The following RNF135 variants were observed in gnomAD, a reference collection of about 807,000 sequenced individuals.
The protein encoded by RNF135 is E3 ubiquitin-protein ligase RNF135.
Under a neutral mutation model 41.9 loss-of-function variants are expected in RNF135, and 46 were observed. The ratio of observed to expected loss-of-function variants is 1.10; its 90% CI spans 0.87 to 1.40. The LOEUF is 1.40. Ranked by LOEUF, RNF135 falls within the 40% of genes most tolerant of loss-of-function variation. The pLI, the probability that RNF135 is intolerant of heterozygous loss-of-function variation, is 0.00. For missense variants in RNF135, 539 were observed against 549.8 expected (o/e 0.98, Z 0.20); for synonymous variants, 238 against 223.8 (o/e 1.06, Z -0.57).
chr17:30,972,477 A>G (rs970889330), intron 1 of RNF135: 7 of 152,170 alleles, frequency 4.6e-5, no homozygotes, highest in Admixed American at 6.6e-5. Context: ...TTGTGCAACT[A>G]TCACTTCTGT....
upstream of RNF135, chr17:30,970,770 G>A (rs1014927409): frequency 2.1e-6 from 1 of 487,548 alleles, no homozygotes; most frequent in Non-Finnish European, 3.7e-6. Context: ...CATCTTAATG[G>A]AGGGACATCC....
intron 1 of RNF135, among the ~76,000 whole-genome samples, chr17:30,976,983 GGTT>G (rs1429702366): frequency 1.3e-5 from 2 of 151,730 alleles, no homozygotes; most frequent in Non-Finnish European, 2.9e-5. Context: ...TTTGTTCTTT[GGTT>G]GTTTTGTTTT....
At chr17:30,971,591 G>GGCA (rs1905955616) in intron 1 of RNF135, 146 bp downstream of exon 1, 2 of 1,357,866 alleles carry the variant, frequency 1.5e-6, no homozygotes, top group African/African-American at 3.1e-5. Context: ...GCTCTTCGGA[G>GGCA]GCACTTTGGA....
intron 1 of RNF135, chr17:30,971,705 A>AATCG: frequency 7.6e-7 from 1 of 1,323,560 alleles, no homozygotes; most frequent in Non-Finnish European, 9.6e-7. Context: ...ACTTCTTCCC[A>AATCG]ATCGATCTTC....
At chr17:30,980,429 A>C (rs1907016382) in intron 1 of RNF135, among the ~76,000 whole-genome samples, 1 of 137,438 alleles carries the variant, frequency 7.3e-6, no homozygotes, top group Non-Finnish European at 1.6e-5. Context: ...GGGGCTCCTC[A>C]CTTCCCAGTA....
the RNF135 span, among the ~76,000 whole-genome samples, chr17:30,963,093 C>CTTTTTT: frequency 4.0e-5 from 4 of 99,382 alleles, no homozygotes; most frequent in Non-Finnish European, 3.7e-5. Flanking sequence ...GATTCCCTAG[C>CTTTTTT]TTTTTTTTTT....
intron 3 of RNF135, among the ~76,000 whole-genome samples, chr17:30,992,688 A>T (rs1229064203): frequency 6.6e-6 from 1 of 152,030 alleles, no homozygotes; most frequent in Non-Finnish European, 1.5e-5. Flanking sequence ...GCTGGCCTGG[A>T]ACTCCTGGGC....
the RNF135 span, among the ~76,000 whole-genome samples, chr17:30,962,180 TG>T: frequency 1.2e-3 from 177 of 152,130 alleles, 1 homozygote; most frequent in African/African-American, 4.0e-3. Flanking sequence ...GTCGCCAGGC[TG>T]GAGTGCAGTA....
chr17:30,971,082 C>A lies in RNF135; in HGVS notation c.9C>A (p.Gly3=), dbSNP rs1358759625. ...CCGGCCGCCTGTTGGCCATGGCGGG[C>A]CTGGGCCTGGGCTCCGCCGTTCCCG... MA[G]LGLGSAVPVW... The change falls in exon 1 of 5, where the codon GGC becomes GGA. Residue 3 remains glycine, a synonymous_variant. Transcript: ENST00000328381. 10 of 1,534,174 alleles carry A rather than the reference C, an allele frequency of 6.5e-6. No individual in the cohort carries two copies. The highest frequency in any genetic ancestry group is 8.7e-6 in the Non-Finnish European group (10 of 1,146,022).
upstream of RNF135, among the ~76,000 whole-genome samples, chr17:30,966,357 T>A (rs1334326277): frequency 6.7e-6 from 1 of 149,132 alleles, no homozygotes; most frequent in Non-Finnish European, 1.5e-5. Context: ...ATTTTTATTT[T>A]ATTTATTTAT....
chr17:30,981,347 G>A (rs9914869), intron 1 of RNF135, among the ~76,000 whole-genome samples: 25,745 of 117,650 alleles, frequency 0.22, 7,013 homozygotes, highest in African/African-American at 0.62. Context: ...GAGGGAGACC[G>A]TGGAGGGAGA....
At chr17:30,971,647 C>G (rs1905963134) in intron 1 of RNF135, 4 of 1,351,456 alleles carry the variant, frequency 3.0e-6, no homozygotes, top group Non-Finnish European at 3.8e-6. Flanking sequence ...AATTCCCCAT[C>G]TTCCGAAAGC....
At chr17:30,967,877 T>G (rs1419131168), upstream of RNF135, among the ~76,000 whole-genome samples, 1 of 151,806 alleles carries the variant, frequency 6.6e-6, no homozygotes, top group East Asian at 2.0e-4. Flanking sequence ...AATTTTTTTT[T>G]GTATTTTTCG....
the RNF135 span, among the ~76,000 whole-genome samples, chr17:30,963,451 A>G: frequency 6.6e-6 from 1 of 151,740 alleles, no homozygotes; most frequent in African/African-American, 2.4e-5. Flanking sequence ...GTGTGGTTGT[A>G]GTCCCAGCTA....
chr17:30,984,373 T>C (rs921874256), intron 1 of RNF135, among the ~76,000 whole-genome samples: 3 of 152,244 alleles, frequency 2.0e-5, no homozygotes, highest in African/African-American at 7.2e-5. Context: ...CATATAGATA[T>C]CCAGTTTTCA....
chr17:30,967,253 C>T (rs1386181258), upstream of RNF135, among the ~76,000 whole-genome samples: 1 of 151,978 alleles, frequency 6.6e-6, no homozygotes, highest in Middle Eastern at 3.2e-3. Context: ...TGGTTTCAAA[C>T]TCCTGACCTC....
At position 30,971,164 on chromosome 17, in the gene RNF135, C is replaced by G. The variant is rs889295426; in HGVS notation, c.91C>G (p.Pro31Ala). Residue 31 changes from proline to alanine, a missense_variant, in exon 1 of 5, where the codon CCC becomes GCC. Physicochemically the swap from Pro to Ala is conservative, Grantham distance 27 (BLOSUM62 -1). Coordinates refer to ENST00000328381, the MANE Select transcript of RNF135 (RefSeq NM_032322.4). The stretch of plus-strand genomic sequence containing the variant: ...CATCTGCCAGGGGCTGCTGGACTGG[C>G]CCGCCACGCTGCCCTGCGGCCACAG... The part of the protein sequence containing the change: ...CIICQGLLDW[P>A]ATLPCGHSFC... 1 of 1,531,660 alleles carries G rather than the reference C, an allele frequency of 6.5e-7. No individual in the cohort carries two copies. The highest frequency in any genetic ancestry group is 1.4e-5 in the African/African-American group (1 of 72,542). The allele number at this position is 1,531,660 out of a possible 1,614,324, so 94.9% of individuals were successfully genotyped here.
chr17:30,961,157 T>C, the RNF135 span, among the ~76,000 whole-genome samples: 1 of 152,178 alleles, frequency 6.6e-6, no homozygotes, highest in Admixed American at 6.5e-5. Flanking sequence ...TATATGGCTA[T>C]ACCATACCTT....
intron 1 of RNF135, among the ~76,000 whole-genome samples, chr17:30,975,087 A>C (rs1361756114): frequency 6.6e-6 from 1 of 151,880 alleles, no homozygotes; most frequent in Non-Finnish European, 1.5e-5. Flanking sequence ...CCAGGAGTTC[A>C]AGACCAGCCT....
Sources: allele counts gnomAD v4.1 joint callset (sites outside exome capture counted in the v4.1 genomes callset), GRCh38; gene constraint gnomAD v4.1.1; transcripts MANE v1.5; gene names NCBI Gene and HGNC (gene_info 2026-07-23, HGNC 2026-07-21).